ZNF385B: variants seen among roughly 807,000 people sequenced by gnomAD.
ZNF385B encodes zinc finger protein 533.
ZNF385B carries 23 observed loss-of-function variants against 39.2 expected under a neutral mutation model. The ratio of observed to expected loss-of-function variants is 0.59; its 90% CI spans 0.42 to 0.83. The LOEUF is 0.83. ZNF385B is among the 40% of genes least tolerant of loss of function. ZNF385B has a pLI of 0.00. For missense variants in ZNF385B, 552 were observed against 598.9 expected, an observed-to-expected ratio of 0.92 and a Z score of 0.82; for synonymous variants, 205 against 222.6, an observed-to-expected ratio of 0.92 and a Z score of 0.70.
intron 3 of ZNF385B, among the ~76,000 whole-genome samples, chr2:179,623,605 T>C (rs1389474413): frequency 2.6e-5 from 4 of 152,116 alleles, no homozygotes. Context: ...GGGGCAGGAA[T>C]GTAGTCCAGT....
chr2:179,649,969 C>G (rs549625972), intron 3 of ZNF385B, among the ~76,000 whole-genome samples: 7 of 152,314 alleles, frequency 4.6e-5, no homozygotes, highest in Admixed American at 1.3e-4. Flanking sequence ...TAGCACCCTT[C>G]CTTTTCCTGC....
Position 179,765,706 on chromosome 2 carries a change from C to T in ZNF385B, c.298+3797G>A, listed in dbSNP as rs1035410170. ...AGACAGCCTCAGGTCCATCTGCCCA[C>T]CCTTGCTAGGGGCCAGGAACACCAG... On this transcript the variant is annotated intron_variant, in intron 3 of 9. Coordinates refer to ENST00000410066, the MANE Select transcript of ZNF385B (RefSeq NM_152520.6). 2.6e-5 allele frequency among the ~76,000 whole-genome samples: 4 copies of T among 152,250 alleles called. No homozygotes were observed. In the South Asian group the frequency reaches 8.3e-4, roughly 32 times the overall value.
chr2:179,443,459 C>T lies in ZNF385B; in HGVS notation c.1252G>A (p.Ala418Thr). 6.3e-7 allele frequency: 1 copy of T among 1,597,470 alleles called. No homozygotes were observed. Among genetic ancestry groups the T allele is most frequent in the Non-Finnish European group, 8.5e-7 (1 of 1,171,632 alleles). ...GGCTTCATCATATCTTTCTGGAATG[C>T]AAGTTTTGCCTAAGGGAGGGAGAAA... Reference protein sequence around the residue: ...RSPSILAAKLAFQKDMMKPLA... With the variant: ...RSPSILAAKLTFQKDMMKPLA... The change falls in exon 10 of 10, where the codon GCA (alanine) becomes ACA (threonine). Residue 418 changes from alanine to threonine, a missense_variant. By Grantham distance (58) the Ala-to-Thr change is moderately conservative. Transcript: ENST00000410066.
At chr2:179,651,815 T>C (rs1484178410) in intron 3 of ZNF385B, among the ~76,000 whole-genome samples, 1 of 152,106 alleles carries the variant, frequency 6.6e-6, no homozygotes, top group African/African-American at 2.4e-5. Context: ...AGAGCTAAGG[T>C]ATGAATCCAG....
intron 3 of ZNF385B, among the ~76,000 whole-genome samples, chr2:179,628,400 T>G (rs974081865): frequency 6.6e-6 from 1 of 152,224 alleles, no homozygotes; most frequent in Non-Finnish European, 1.5e-5. Flanking sequence ...TCCTGTAGAA[T>G]GTCTTACATT....
At chr2:179,783,822 C>G (rs1190301540) in intron 1 of ZNF385B, among the ~76,000 whole-genome samples, 1 of 152,086 alleles carries the variant, frequency 6.6e-6, no homozygotes, top group African/African-American at 2.4e-5. Context: ...CACAAAATAA[C>G]AGATGCTGAT....
chr2:179,727,069 G>T (rs576831209), intron 3 of ZNF385B, among the ~76,000 whole-genome samples: 11 of 152,044 alleles, frequency 7.2e-5, no homozygotes, highest in South Asian at 6.2e-4. Flanking sequence ...TGTGTTTCAG[G>T]GAGCACTCAG....
intron 5 of ZNF385B, among the ~76,000 whole-genome samples, chr2:179,510,379 G>T (rs186197031): frequency 1.3e-5 from 2 of 152,146 alleles, no homozygotes; most frequent in East Asian, 3.9e-4. Flanking sequence ...GTGTGTATGT[G>T]TGTGTACATA....
intron 5 of ZNF385B, among the ~76,000 whole-genome samples, chr2:179,485,778 G>A (rs60772578): frequency 1.5e-3 from 233 of 152,112 alleles, no homozygotes; most frequent in African/African-American, 5.3e-3. Flanking sequence ...GCGGGAGGTG[G>A]CTGGGGAAAA....
At chr2:179,507,301 C>A (rs571824138) in intron 5 of ZNF385B, among the ~76,000 whole-genome samples, 2 of 152,238 alleles carry the variant, frequency 1.3e-5, no homozygotes, top group African/African-American at 2.4e-5. Flanking sequence ...CCCCTGCAGC[C>A]TATTCATGGG....
At chr2:179,838,565 A>G (rs895100366) in intron 1 of ZNF385B, among the ~76,000 whole-genome samples, 2 of 152,182 alleles carry the variant, frequency 1.3e-5, no homozygotes, top group East Asian at 3.9e-4. Context: ...CTGCAACTCC[A>G]AAGGAAATGC....
intron 5 of ZNF385B, among the ~76,000 whole-genome samples, chr2:179,484,391 A>G (rs1468553238): frequency 6.6e-6 from 1 of 152,150 alleles, no homozygotes; most frequent in Non-Finnish European, 1.5e-5. Context: ...CTAAACATAA[A>G]TGGTATATTA....
intron 3 of ZNF385B, among the ~76,000 whole-genome samples, chr2:179,736,354 AT>A (rs571011921): frequency 3.4e-3 from 515 of 151,840 alleles, no homozygotes; most frequent in South Asian, 7.7e-3. Flanking sequence ...TTTAGCTCTT[AT>A]TTTGCTTGAC....
chr2:179,691,994 T>G (rs1280911563), intron 3 of ZNF385B, among the ~76,000 whole-genome samples: 1 of 152,190 alleles, frequency 6.6e-6, no homozygotes, highest in Non-Finnish European at 1.5e-5. Context: ...ATTTATTATA[T>G]CTTTGTGGTA....
At chr2:179,540,484 C>T (rs903696965) in intron 4 of ZNF385B, among the ~76,000 whole-genome samples, 1 of 149,708 alleles carries the variant, frequency 6.7e-6, no homozygotes, top group Admixed American at 6.7e-5. Flanking sequence ...AACCAAACAA[C>T]AACAACAACA....
intron 3 of ZNF385B, among the ~76,000 whole-genome samples, chr2:179,674,788 G>A (rs926405236): frequency 1.3e-5 from 2 of 152,150 alleles, no homozygotes; most frequent in African/African-American, 2.4e-5. Context: ...GCACATGGGT[G>A]GTCTAGTCCC....
At chr2:179,503,366 C>G (rs2056936898) in intron 5 of ZNF385B, among the ~76,000 whole-genome samples, 1 of 152,198 alleles carries the variant, frequency 6.6e-6, no homozygotes, top group African/African-American at 2.4e-5. Context: ...CCTGAATGAT[C>G]ACAAATCCCT....
chr2:179,742,304 GC>G (rs1379153065), intron 3 of ZNF385B, among the ~76,000 whole-genome samples: 2 of 152,030 alleles, frequency 1.3e-5, no homozygotes, highest in African/African-American at 4.8e-5. Flanking sequence ...GGAATGTGCA[GC>G]CTCCATTTTG....
At chr2:179,468,910 G>T (rs1227509634) in intron 6 of ZNF385B, among the ~76,000 whole-genome samples, 6 of 152,080 alleles carry the variant, frequency 3.9e-5, no homozygotes, top group East Asian at 1.9e-4. Flanking sequence ...GACATTCAGG[G>T]GTTGGACTGC....
Sources: gnomAD v4.1 joint callset for allele counts (sites outside exome capture counted in the v4.1 genomes callset) on GRCh38, gnomAD v4.1.1 for gene constraint, MANE v1.5 for transcripts, NCBI Gene and HGNC (gene_info 2026-07-23, HGNC 2026-07-21) for gene names.